ZNF407: variants seen among roughly 807,000 people sequenced by gnomAD.
ZNF407 encodes the protein zinc finger protein 407.
In ZNF407, 17 loss-of-function variants were observed where a neutral mutation model predicts 131.2. That is an observed-to-expected ratio of 0.13 (90% CI 0.09 to 0.19). The LOEUF (loss-of-function observed/expected upper bound fraction) is 0.19, where lower values mean the gene tolerates loss of function less well. Ranked by LOEUF, ZNF407 falls within the 10% of genes least tolerant of loss-of-function variation. The pLI is 1.00. For missense variants in ZNF407, 2,681 were observed against 2,830.6 expected, an observed-to-expected ratio of 0.95 and a Z score of 1.20; for synonymous variants, 1,156 against 1,062.0, an observed-to-expected ratio of 1.09 and a Z score of -1.72.
intron 8 of ZNF407, among the ~76,000 whole-genome samples, chr18:74,936,867 G>C (rs148869930): frequency 1.3e-5 from 2 of 152,288 alleles, no homozygotes; most frequent in African/African-American, 4.8e-5. Context: ...TTGAAAAGCT[G>C]AATTAATAAT....
chr18:74,759,761 TTTTCCTGTATTTCTTA>T (rs1379315973), intron 3 of ZNF407, among the ~76,000 whole-genome samples: 1 of 151,750 alleles, frequency 6.6e-6, no homozygotes, highest in East Asian at 1.9e-4. Context: ...AATTCTCTTA[TTTTCCTGTATTTCTTA>T]TTTCCTGTAG....
At chr18:74,965,187 G>A (rs913692609) in intron 8 of ZNF407, among the ~76,000 whole-genome samples, 2 of 152,076 alleles carry the variant, frequency 1.3e-5, no homozygotes, top group African/African-American at 4.8e-5. Context: ...ATTTTAAAAT[G>A]TACAATTAAA....
chr18:74,905,701 C>G (rs1053759804), intron 7 of ZNF407: 15 of 152,126 alleles, frequency 9.9e-5, no homozygotes, highest in Non-Finnish European at 2.1e-4. Flanking sequence ...GTCCTAAGAA[C>G]TAGTTTCAAA....
At chr18:74,628,501 T>C (rs1983901702) in intron 1 of ZNF407, among the ~76,000 whole-genome samples, 1 of 152,332 alleles carries the variant, frequency 6.6e-6, no homozygotes, top group African/African-American at 2.4e-5. Context: ...AGGAACCATA[T>C]AGTACATGGT....
chr18:74,975,817 A>T (rs957766791), intron 8 of ZNF407, among the ~76,000 whole-genome samples: 9 of 152,196 alleles, frequency 5.9e-5, no homozygotes, highest in African/African-American at 1.9e-4. Context: ...TTCAGACAAG[A>T]AATGGTTGCC....
intron 3 of ZNF407, among the ~76,000 whole-genome samples, chr18:74,734,946 T>A (rs1968380166): frequency 6.6e-6 from 1 of 152,150 alleles, no homozygotes; most frequent in African/African-American, 2.4e-5. Flanking sequence ...GCTACTTACC[T>A]CTTAGTTGCC....
At chr18:74,791,095 C>T (rs539473650) in intron 4 of ZNF407, among the ~76,000 whole-genome samples, 1 of 152,208 alleles carries the variant, frequency 6.6e-6, no homozygotes, top group Non-Finnish European at 1.5e-5. Context: ...AGAAAACAAG[C>T]AGATGATTGA....
intron 4 of ZNF407, among the ~76,000 whole-genome samples, chr18:74,788,857 A>G (rs1216363413): frequency 6.7e-6 from 1 of 150,268 alleles, no homozygotes; most frequent in East Asian, 1.9e-4. Context: ...CTTGAATATT[A>G]TATATTTTTT....
intron 3 of ZNF407, among the ~76,000 whole-genome samples, chr18:74,737,437 C>A (rs1321964452): frequency 6.6e-6 from 1 of 152,194 alleles, no homozygotes; most frequent in Non-Finnish European, 1.5e-5. Context: ...TACATAATTA[C>A]ACATTTATAT....
At chr18:74,653,709 A>C (rs1026336519) in intron 3 of ZNF407, among the ~76,000 whole-genome samples, 1 of 151,810 alleles carries the variant, frequency 6.6e-6, no homozygotes, top group Non-Finnish European at 1.5e-5. Flanking sequence ...ACAAACTAAC[A>C]TGTTGGAAAA....
chr18:74,619,853 G>A (rs1028227062), intron 1 of ZNF407, among the ~76,000 whole-genome samples: 204 of 152,210 alleles, frequency 1.3e-3, no homozygotes, highest in African/African-American at 4.6e-3. Context: ...AGTTGTACGA[G>A]ATGGTTTCAT....
rs1387593686 is a variant in ZNF407 at position 74,631,178 on chromosome 18, T to G, written c.159T>G (p.Phe53Leu). ...AGAATTCTATGGGCAAAAGAGGTTT[T>G]TCAGAATCATCGAACTCTGATAGTG... The part of the protein sequence containing the change: ...FPENSMGKRG[F>L]SESSNSDSVV... Residue 53 changes from phenylalanine (F) to leucine (L), a missense_variant, in exon 2 of 9, where the codon TTT becomes TTG. Physicochemically the swap from Phe to Leu is conservative, Grantham distance 22 (BLOSUM62 0). Transcript: ENST00000299687. 6.2e-7 allele frequency: 1 copy of G among 1,614,020 alleles called. No homozygotes were observed. Among genetic ancestry groups the G allele is most frequent in the East Asian group, 2.2e-5 (1 of 44,880 alleles).
At chr18:74,877,073 C>T in intron 4 of ZNF407, 124 bp from the exon 5 acceptor site, 1 of 767,312 alleles carries the variant, frequency 1.3e-6, no homozygotes, top group Non-Finnish European at 2.2e-6. Flanking sequence ...ACAGACCAGG[C>T]CTGCAGTGCT....
At chr18:74,822,342 G>T (rs1362515496) in intron 4 of ZNF407, among the ~76,000 whole-genome samples, 1 of 152,152 alleles carries the variant, frequency 6.6e-6, no homozygotes, top group African/African-American at 2.4e-5. Context: ...TTTTGCCCAT[G>T]CCTATGTCCT....
At chr18:74,882,211 T>A (rs1971248468) in intron 6 of ZNF407, among the ~76,000 whole-genome samples, 1 of 152,184 alleles carries the variant, frequency 6.6e-6, no homozygotes, top group Non-Finnish European at 1.5e-5. Flanking sequence ...ATCTAATGGG[T>A]CTTATGAGTA....
chr18:74,824,339 G>A (rs980319385), intron 4 of ZNF407, among the ~76,000 whole-genome samples: 3 of 151,854 alleles, frequency 2.0e-5, no homozygotes, highest in Admixed American at 1.3e-4. Context: ...AAAAGCTAGC[G>A]GAAGACAAGA....
intron 4 of ZNF407, among the ~76,000 whole-genome samples, chr18:74,853,755 A>C (rs561727773): frequency 1.3e-5 from 2 of 152,140 alleles, no homozygotes; most frequent in African/African-American, 4.8e-5. Flanking sequence ...CTGTGTACCC[A>C]CCCAGCAATC....
chr18:74,740,506 T>G (rs1426713118), intron 3 of ZNF407, among the ~76,000 whole-genome samples: 2 of 152,166 alleles, frequency 1.3e-5, no homozygotes, highest in Non-Finnish European at 2.9e-5. Context: ...CTGCCAACCA[T>G]AGATCCCTTG....
At chr18:74,998,468 T>C (rs997036051) in intron 8 of ZNF407, among the ~76,000 whole-genome samples, 3 of 152,220 alleles carry the variant, frequency 2.0e-5, no homozygotes, top group Admixed American at 1.3e-4. Flanking sequence ...AATGCTTTCT[T>C]TCTTTCACAT....
Sources: gnomAD v4.1 joint callset for allele counts (sites outside exome capture counted in the v4.1 genomes callset) on GRCh38, gnomAD v4.1.1 for gene constraint, MANE v1.5 for transcripts, NCBI Gene and HGNC (gene_info 2026-07-23, HGNC 2026-07-21) for gene names.